The following AMMECR1 variants were observed in gnomAD, a reference collection of about 807,000 sequenced individuals.
AMMECR1 encodes nuclear protein AMMECR1.
AMMECR1 carries 3 observed loss-of-function variants against 22.5 expected under a neutral mutation model. The ratio of observed to expected loss-of-function variants is 0.13; its 90% CI spans 0.06 to 0.35. The LOEUF is 0.35. Ranked by LOEUF, AMMECR1 falls within the 10% of genes least tolerant of loss-of-function variation. The pLI is 1.00. For missense variants in AMMECR1, 235 were observed against 278.7 expected, an observed-to-expected ratio of 0.84 and a Z score of 1.12; for synonymous variants, 130 against 116.7, an observed-to-expected ratio of 1.11 and a Z score of -0.74.
chrX:110,369,633 C>T (rs2068323746), intron 2 of AMMECR1, among the ~76,000 whole-genome samples: 1 of 111,430 alleles, frequency 9.0e-6, no homozygotes, highest in South Asian at 3.9e-4. Flanking sequence ...TAGAGTCTCC[C>T]TCTGCCCCCA....
chrX:110,400,458 T>G (rs989603950), intron 2 of AMMECR1, among the ~76,000 whole-genome samples: 1 of 110,197 alleles, frequency 9.1e-6, no homozygotes, highest in African/African-American at 3.3e-5. Flanking sequence ...GAATAGCATC[T>G]TTTCTCTGCT....
chrX:110,424,199 G>A (rs2068738406), intron 2 of AMMECR1, among the ~76,000 whole-genome samples: 1 of 111,789 alleles, frequency 8.9e-6, no homozygotes, highest in South Asian at 3.8e-4. Flanking sequence ...ATCTGACTCA[G>A]TTACACTACA....
At chrX:110,388,888 A>G (rs1306709486) in intron 2 of AMMECR1, among the ~76,000 whole-genome samples, 1 of 112,453 alleles carries the variant, frequency 8.9e-6, no homozygotes, top group African/African-American at 3.2e-5. Context: ...TGATGTACGT[A>G]GTGGGGAGAG....
At chrX:110,256,924 G>A (rs1449170103) in intron 2 of AMMECR1, among the ~76,000 whole-genome samples, 1 of 111,232 alleles carries the variant, frequency 9.0e-6, no homozygotes, top group Non-Finnish European at 1.9e-5. Context: ...CCTTAAAAGT[G>A]GTAAAAGCAT....
rs2068318777 is a variant in AMMECR1 at position 110,369,125 on chromosome X, A to G, written c.-147-51276T>C. ...AGGTGGGCAGATCAGGAAGTCAGGGAATTGAGACCATCCTGGCTAACACAG... is the reference window on the plus strand; with the variant it reads ...AGGTGGGCAGATCAGGAAGTCAGGGGATTGAGACCATCCTGGCTAACACAG... On this transcript the variant is annotated intron_variant, in intron 2 of 7. Coordinates refer to the AMMECR1 transcript ENST00000372057. Among the ~76,000 whole-genome samples, 7 of 111,664 alleles carry G rather than the reference A, an allele frequency of 6.3e-5. No homozygotes were observed. In the South Asian group the frequency reaches 2.7e-3, roughly 42 times the overall value.
chrX:110,354,070 T>C (rs1389807756), intron 2 of AMMECR1, among the ~76,000 whole-genome samples: 4 of 112,141 alleles, frequency 3.6e-5, no homozygotes, highest in Non-Finnish European at 7.5e-5. Context: ...GAATAATTAG[T>C]ACTATTAAAA....
At chrX:110,427,618 G>A (rs924172805) in intron 1 of AMMECR1, among the ~76,000 whole-genome samples, 9 of 111,761 alleles carry the variant, frequency 8.1e-5, no homozygotes, top group African/African-American at 2.6e-4. Flanking sequence ...TTCTAGGGGT[G>A]GGATCCAGTC....
intron 1 of AMMECR1, among the ~76,000 whole-genome samples, chrX:110,315,606 C>G (rs2068044250): frequency 8.9e-6 from 1 of 112,431 alleles, no homozygotes; most frequent in Admixed American, 9.4e-5. Context: ...GTCAAGCTCA[C>G]TTTCCTTTTA....
intron 2 of AMMECR1, among the ~76,000 whole-genome samples, chrX:110,385,828 T>G (rs1218933539): frequency 9.0e-6 from 1 of 111,269 alleles, no homozygotes; most frequent in Non-Finnish European, 1.9e-5. Flanking sequence ...CTTCCTCCCC[T>G]GTCTAGTAGT....
At chrX:110,256,692 G>A (rs917806964) in intron 2 of AMMECR1, among the ~76,000 whole-genome samples, 5 of 111,546 alleles carry the variant, frequency 4.5e-5, no homozygotes, top group African/African-American at 1.6e-4. Flanking sequence ...TGAAAAGTAA[G>A]TTTTTTCCAA....
At chrX:110,363,119 TG>T (rs1360433361) in intron 2 of AMMECR1, among the ~76,000 whole-genome samples, 34 of 112,056 alleles carry the variant, frequency 3.0e-4, no homozygotes, top group African/African-American at 1.1e-3. Flanking sequence ...CCTACAAAGA[TG>T]AATAGGGCAT....
At chrX:110,401,037 A>G (rs1434813970) in intron 2 of AMMECR1, among the ~76,000 whole-genome samples, 1 of 112,323 alleles carries the variant, frequency 8.9e-6, no homozygotes, top group Non-Finnish European at 1.9e-5. Flanking sequence ...AACCATTTAC[A>G]CAAACAATCT....
chrX:110,301,802 T>A (rs774295649), intron 1 of AMMECR1, among the ~76,000 whole-genome samples: 2 of 112,064 alleles, frequency 1.8e-5, no homozygotes, highest in Non-Finnish European at 3.8e-5. Flanking sequence ...TGAAATTTCA[T>A]TATGTCTGCC....
intron 1 of AMMECR1, among the ~76,000 whole-genome samples, chrX:110,437,651 C>G (rs1242881226): frequency 9.0e-6 from 1 of 111,012 alleles, no homozygotes; most frequent in Non-Finnish European, 1.9e-5. Context: ...AAGTGAATCA[C>G]TGTATCTACC....
At chrX:110,312,326 A>G (rs1279939251) in intron 1 of AMMECR1, among the ~76,000 whole-genome samples, 3 of 112,425 alleles carry the variant, frequency 2.7e-5, no homozygotes, top group Non-Finnish European at 3.8e-5. Context: ...AACAACACAC[A>G]TGTTAGCATG....
intron 2 of AMMECR1, among the ~76,000 whole-genome samples, chrX:110,423,539 C>T (rs1040679615): frequency 1.8e-5 from 2 of 111,696 alleles, no homozygotes; most frequent in African/African-American, 6.5e-5. Context: ...AGGTCACTGC[C>T]ATGATCAGTT....
intron 1 of AMMECR1, among the ~76,000 whole-genome samples, chrX:110,267,840 A>C (rs1280229760): frequency 1.8e-5 from 2 of 112,449 alleles, no homozygotes; most frequent in Non-Finnish European, 3.7e-5. Context: ...AAATAACACA[A>C]ACTAAACACT....
At chrX:110,381,220 C>G (rs756620918) in intron 2 of AMMECR1, among the ~76,000 whole-genome samples, 1 of 111,869 alleles carries the variant, frequency 8.9e-6, no homozygotes, top group Non-Finnish European at 1.9e-5. Flanking sequence ...CTATAAGGAA[C>G]TTAAATCAAC....
chrX:110,256,688 G>GT (rs1187113911), intron 2 of AMMECR1, among the ~76,000 whole-genome samples: 1 of 111,550 alleles, frequency 9.0e-6, no homozygotes, highest in Non-Finnish European at 1.9e-5. Flanking sequence ...ATGATGAAAA[G>GT]TAAGTTTTTT....
Sources: allele counts gnomAD v4.1 joint callset (sites outside exome capture counted in the v4.1 genomes callset), GRCh38; gene constraint gnomAD v4.1.1; transcripts MANE v1.5; gene names NCBI Gene and HGNC (gene_info 2026-07-23, HGNC 2026-07-21).